The following BMAL2 variants were observed in gnomAD, a reference collection of about 807,000 sequenced individuals.
BMAL2 encodes the protein basic helix-loop-helix ARNT-like protein 2.
the BMAL2 span, among the ~76,000 whole-genome samples, chr12:27,410,312 A>C: frequency 3.9e-5 from 6 of 152,238 alleles, no homozygotes; most frequent in Non-Finnish European, 8.8e-5. Flanking sequence ...TTATTGCAGC[A>C]CTATTCACAA....
the BMAL2 span, among the ~76,000 whole-genome samples, chr12:27,414,942 C>A: frequency 6.6e-6 from 1 of 152,022 alleles, no homozygotes; most frequent in African/African-American, 2.4e-5. Flanking sequence ...ACTCGCAGGA[C>A]ATTATGCTAA....
the BMAL2 span, among the ~76,000 whole-genome samples, chr12:27,417,196 C>A: frequency 3.5e-4 from 53 of 152,214 alleles, no homozygotes; most frequent in African/African-American, 1.2e-3. Context: ...CAAATGATTT[C>A]CTGTTTTATG....
At chr12:27,405,321 T>C in the BMAL2 span, among the ~76,000 whole-genome samples, 4,362 of 150,850 alleles carry the variant, frequency 0.029, 95 homozygotes, top group Non-Finnish European at 0.046. Context: ...CCCTGACCCC[T>C]GAGTAGCCTA....
the BMAL2 span, among the ~76,000 whole-genome samples, chr12:27,409,540 A>G: frequency 1.3e-5 from 2 of 152,254 alleles, no homozygotes; most frequent in African/African-American, 4.8e-5. Context: ...CTGGCTAGCC[A>G]TATGTAGAAA....
the BMAL2 span, among the ~76,000 whole-genome samples, chr12:27,416,548 T>C: frequency 6.6e-6 from 1 of 152,160 alleles, no homozygotes; most frequent in Middle Eastern, 3.2e-3. Context: ...TACAGTATAA[T>C]TGTAATTTAG....
At chr12:27,367,836 A>C in the BMAL2 span, among the ~76,000 whole-genome samples, 1 of 151,618 alleles carries the variant, frequency 6.6e-6, no homozygotes, top group African/African-American at 2.4e-5. Context: ...GTGTGTATAT[A>C]TATATATATG....
the BMAL2 span, among the ~76,000 whole-genome samples, chr12:27,340,367 T>C: frequency 2.6e-5 from 4 of 152,192 alleles, no homozygotes; most frequent in African/African-American, 9.7e-5. Context: ...AGGGAGTCCT[T>C]TCCTGGTTGC....
the BMAL2 span, chr12:27,400,538 C>T: frequency 4.5e-6 from 7 of 1,562,418 alleles, no homozygotes; most frequent in Non-Finnish European, 6.1e-6. Context: ...AATTAGAGCA[C>T]AGAAAATTCT....
At chr12:27,366,000 T>C in the BMAL2 span, among the ~76,000 whole-genome samples, 139 of 152,194 alleles carry the variant, frequency 9.1e-4, 1 homozygote, top group African/African-American at 3.2e-3. Flanking sequence ...TTATGCATTG[T>C]GTGACATTTT....
chr12:27,355,955 A>G, the BMAL2 span, among the ~76,000 whole-genome samples: 3 of 152,144 alleles, frequency 2.0e-5, no homozygotes, highest in Admixed American at 1.3e-4. Context: ...CCTTTTAGAC[A>G]TCTTGCTACT....
the BMAL2 span, among the ~76,000 whole-genome samples, chr12:27,395,973 T>C: frequency 6.6e-6 from 1 of 152,204 alleles, no homozygotes; most frequent in African/African-American, 2.4e-5. Context: ...TCTCTTAATA[T>C]ATGGAAAATG....
chr12:27,341,008 C>T, the BMAL2 span, among the ~76,000 whole-genome samples: 2 of 152,046 alleles, frequency 1.3e-5, no homozygotes, highest in Admixed American at 6.6e-5. Context: ...TGCTTTTGGC[C>T]CGAGACTATA....
At chr12:27,336,939 G>A in the BMAL2 span, among the ~76,000 whole-genome samples, 2 of 114,264 alleles carry the variant, frequency 1.8e-5, no homozygotes, top group Non-Finnish European at 3.3e-5. Context: ...GACAGAGCGA[G>A]ACTGTCTCAA....
At chr12:27,380,488 G>C in the BMAL2 span, 1 of 1,447,648 alleles carries the variant, frequency 6.9e-7, no homozygotes, top group East Asian at 2.3e-5. Flanking sequence ...TTTGCTGTCA[G>C]CTGTTGAGGT....
the BMAL2 span, among the ~76,000 whole-genome samples, chr12:27,407,071 T>A: frequency 3.3e-5 from 5 of 152,236 alleles, no homozygotes; most frequent in African/African-American, 7.2e-5. Context: ...CACCCAATAC[T>A]GGAGCACCCA....
At chr12:27,385,219 C>T in the BMAL2 span, among the ~76,000 whole-genome samples, 2 of 152,108 alleles carry the variant, frequency 1.3e-5, no homozygotes, top group African/African-American at 4.8e-5. Context: ...GAGGCTGAGG[C>T]ACGAGAATCA....
chr12:27,333,078 G>T, the BMAL2 span: 18 of 1,204,894 alleles, frequency 1.5e-5, no homozygotes, highest in East Asian at 5.4e-4. Context: ...CTGCGATGGC[G>T]GCGGAAGAGG....
the BMAL2 span, among the ~76,000 whole-genome samples, chr12:27,376,872 C>T: frequency 1.3e-5 from 2 of 151,730 alleles, no homozygotes; most frequent in Non-Finnish European, 2.9e-5. Context: ...TGGTGGTGGG[C>T]ACCTGTAGTC....
the BMAL2 span, chr12:27,368,452 CTT>C: frequency 6.3e-7 from 1 of 1,593,690 alleles, no homozygotes. Flanking sequence ...AGATCTTTGA[CTT>C]TAGGGAGAAG....
Sources: gnomAD v4.1 joint callset for allele counts (sites outside exome capture counted in the v4.1 genomes callset) on GRCh38, gnomAD v4.1.1 for gene constraint, MANE v1.5 for transcripts, NCBI Gene and HGNC (gene_info 2026-07-23, HGNC 2026-07-21) for gene names.